AIRIM: variants seen among roughly 807,000 people sequenced by gnomAD.
The protein encoded by AIRIM is AFG2 interacting ribosome maturation factor.
At chr1:37,690,040 A>G in the AIRIM span, 3 of 1,412,688 alleles carry the variant, frequency 2.1e-6, no homozygotes, top group South Asian at 3.2e-5. Flanking sequence ...TTTTTTCGAG[A>G]CGGAGTCTCA....
chr1:37,687,757 C>T, the AIRIM span, among the ~76,000 whole-genome samples: 1 of 152,090 alleles, frequency 6.6e-6, no homozygotes, highest in Non-Finnish European at 1.5e-5. Context: ...AAATAAAAGA[C>T]AAAATATTAA....
At chr1:37,690,334 C>A in the AIRIM span, 2 of 1,290,344 alleles carry the variant, frequency 1.5e-6, no homozygotes, top group Non-Finnish European at 2.0e-6. Context: ...GAAGGGTAAC[C>A]TGGATAGGGC....
chr1:37,686,555 T>C, the AIRIM span: 2 of 1,145,764 alleles, frequency 1.7e-6, no homozygotes, highest in East Asian at 2.6e-5. Context: ...GATTCTCTGT[T>C]GTGAAGGGCT....
the AIRIM span, among the ~76,000 whole-genome samples, chr1:37,687,286 C>A: frequency 2.0e-5 from 3 of 151,682 alleles, no homozygotes; most frequent in Non-Finnish European, 4.4e-5. Context: ...CGCCACCACA[C>A]CCGGCTAATT....
chr1:37,686,355 C>A, the AIRIM span: 1 of 1,614,130 alleles, frequency 6.2e-7, no homozygotes, highest in Non-Finnish European at 8.5e-7. Context: ...GGCTGCAGGA[C>A]AGCATCAATG....
At chr1:37,689,457 A>C in the AIRIM span, 1 of 924,548 alleles carries the variant, frequency 1.1e-6, no homozygotes, top group South Asian at 2.1e-5. Flanking sequence ...CCGAGGTCCC[A>C]CTGCCCCAGA....
chr1:37,683,328 G>T, the AIRIM span: 1 of 1,614,208 alleles, frequency 6.2e-7, no homozygotes, highest in East Asian at 2.2e-5. Context: ...CCTTGTACAA[G>T]ATCTTGGTGT....
At chr1:37,684,587 C>T in the AIRIM span, among the ~76,000 whole-genome samples, 1 of 151,908 alleles carries the variant, frequency 6.6e-6, no homozygotes, top group Admixed American at 6.6e-5. Flanking sequence ...CCATTGCACC[C>T]CAGTCTGGGC....
At chr1:37,690,051 C>T in the AIRIM span, 3 of 1,412,474 alleles carry the variant, frequency 2.1e-6, no homozygotes, top group Non-Finnish European at 2.8e-6. Context: ...CGGAGTCTCA[C>T]TGTCGCCCAG....
chr1:37,683,925 C>T, the AIRIM span: 3 of 161,418 alleles, frequency 1.9e-5, no homozygotes, highest in South Asian at 5.3e-4. Flanking sequence ...TGAGCCAGAA[C>T]AGAAAGAACA....
chr1:37,689,443 C>G, the AIRIM span: 2 of 789,078 alleles, frequency 2.5e-6, no homozygotes, highest in Non-Finnish European at 3.9e-6. Context: ...AAATGGCTTT[C>G]TGACCGAGGT....
the AIRIM span, chr1:37,690,144 G>A: frequency 3.4e-5 from 40 of 1,188,290 alleles, no homozygotes; most frequent in Non-Finnish European, 4.2e-5. Flanking sequence ...AGCCTCCCGA[G>A]TAGCTGGGAA....
chr1:37,690,652 C>T, the AIRIM span: 1 of 250,294 alleles, frequency 4.0e-6, no homozygotes, highest in African/African-American at 2.3e-5. Flanking sequence ...ACTGGCCACT[C>T]GGCTTGAAGC....
the AIRIM span, chr1:37,689,619 G>A: frequency 6.9e-6 from 11 of 1,605,546 alleles, no homozygotes; most frequent in Middle Eastern, 1.7e-4. Flanking sequence ...CTTTCCCCTA[G>A]CTTGTCCAGG....
chr1:37,689,576 A>G, the AIRIM span: 1 of 1,539,276 alleles, frequency 6.5e-7, no homozygotes, highest in South Asian at 1.2e-5. Context: ...AAATCCTTCC[A>G]CCAAGAAACA....
At chr1:37,690,228 G>A in the AIRIM span, 3 of 1,261,428 alleles carry the variant, frequency 2.4e-6, no homozygotes, top group African/African-American at 1.5e-5. Flanking sequence ...CAGGTGATCC[G>A]CCCGCCTCGG....
chr1:37,687,982 C>T, the AIRIM span, among the ~76,000 whole-genome samples: 1 of 152,088 alleles, frequency 6.6e-6, no homozygotes, highest in Non-Finnish European at 1.5e-5. Flanking sequence ...CTCAGCCTCC[C>T]TAAGTGCTGG....
the AIRIM span, chr1:37,683,324 A>G: frequency 1.2e-6 from 2 of 1,614,190 alleles, no homozygotes; most frequent in South Asian, 2.2e-5. Context: ...AGTACCTTGT[A>G]CAAGATCTTG....
the AIRIM span, chr1:37,683,045 G>A: frequency 2.3e-4 from 332 of 1,450,078 alleles, no homozygotes; most frequent in Non-Finnish European, 3.1e-4. Flanking sequence ...AAATACTGAC[G>A]TTTCTTTAGA....
Sources: gnomAD v4.1 joint callset for allele counts (sites outside exome capture counted in the v4.1 genomes callset) on GRCh38, gnomAD v4.1.1 for gene constraint, MANE v1.5 for transcripts, NCBI Gene and HGNC (gene_info 2026-07-23, HGNC 2026-07-21) for gene names.